TRIB2: variants seen among roughly 807,000 people sequenced by gnomAD.
TRIB2 encodes the protein tribbles homolog 2.
TRIB2 carries 2 observed loss-of-function variants against 26.8 expected under a neutral mutation model. The observed-to-expected ratio is 0.07, with a 90% CI of 0.03 to 0.24. TRIB2 has a LOEUF of 0.24. Among genes scored for constraint, TRIB2 ranks in the 10% least tolerant of loss-of-function variants. The probability of loss-of-function intolerance (pLI) is 1.00; values close to 1 mark genes in which losing one functional copy is unlikely to be tolerated. For synonymous variants in TRIB2, 189 were observed against 187.3 expected (o/e 1.01, Z -0.08); for missense variants, 306 against 449.0 (o/e 0.68, Z 2.88).
intron 2 of TRIB2, 66 bp downstream of exon 2, chr2:12,723,618 A>G (rs532285710): frequency 5.9e-5 from 91 of 1,541,940 alleles, no homozygotes; most frequent in Non-Finnish European, 7.6e-5. Flanking sequence ...CTTCCTAGAA[A>G]AGTCTTGAAT....
Position 12,732,506 on chromosome 2 carries a change from C to T in TRIB2, c.564-7820C>T, listed in dbSNP as rs1414379996. Among the ~76,000 whole-genome samples, 1 of 152,196 alleles carries T rather than the reference C, an allele frequency of 6.6e-6. No homozygotes were observed. The highest frequency in any genetic ancestry group is 1.5e-5 in the Non-Finnish European group (1 of 68,034). Reference sequence around the variant, plus strand: ...GCCCTGAGATGCTTCCCCCGTGGCTCACCTGTTGCTCTCCCTGCTAATTTG... The same window carrying T: ...GCCCTGAGATGCTTCCCCCGTGGCTTACCTGTTGCTCTCCCTGCTAATTTG... On this transcript the variant is annotated intron_variant, in intron 2 of 2. Coordinates refer to ENST00000155926, the MANE Select transcript of TRIB2 (RefSeq NM_021643.4). This position sits in a 1 kb window ranked among gnomAD's most constrained non-coding sequence, Gnocchi z 4.2.
chr2:12,721,923 T>C (rs1661229679), intron 1 of TRIB2, among the ~76,000 whole-genome samples: 1 of 152,194 alleles, frequency 6.6e-6, no homozygotes, highest in African/African-American at 2.4e-5. Context: ...GAATCCGGTA[T>C]CGTGCATGCA....
At chr2:12,739,343 T>A (rs1022719769) in intron 2 of TRIB2, among the ~76,000 whole-genome samples, 3 of 152,154 alleles carry the variant, frequency 2.0e-5, no homozygotes, top group African/African-American at 7.2e-5. Flanking sequence ...CACTGTAACC[T>A]CCGCCTCCCG....
At chr2:12,728,678 C>G (rs1425891169) in intron 2 of TRIB2, among the ~76,000 whole-genome samples, 1 of 152,176 alleles carries the variant, frequency 6.6e-6, no homozygotes, top group African/African-American at 2.4e-5. Flanking sequence ...GGAAGCCGGT[C>G]AGTACCCACT....
chr2:12,736,139 A>G (rs940298249), intron 2 of TRIB2, among the ~76,000 whole-genome samples: 4 of 152,110 alleles, frequency 2.6e-5, no homozygotes, highest in African/African-American at 4.8e-5. Context: ...GAAAGTCAGA[A>G]TCTAAAATTG....
intron 2 of TRIB2, among the ~76,000 whole-genome samples, chr2:12,724,318 C>T (rs746942656): frequency 1.1e-4 from 17 of 152,304 alleles, no homozygotes; most frequent in Non-Finnish European, 2.1e-4. Context: ...TGGCTTATGC[C>T]GTTAACTCAT....
Position 12,740,961 on chromosome 2 carries a change from A to C in TRIB2, c.*167A>C, listed in dbSNP as rs113881146. The C allele has an allele frequency of 4.5e-6, 3 of 662,508 alleles. No homozygotes were observed. Among genetic ancestry groups the C allele is most frequent in the African/African-American group, 3.6e-5 (2 of 55,038 alleles). The allele number at this position is 662,508 out of a possible 1,614,324, so 41.0% of individuals were successfully genotyped here. A position where few individuals can be genotyped will look rare whatever the true frequency, so the allele number is the denominator to read the frequency against. The stretch of plus-strand genomic sequence containing the variant: ...TCAAGGAGCTGACTGACCACGTAGC[A>C]TGGGGGCAAGAGGCGTGGGATGGGG... On this transcript the variant is annotated 3_prime_UTR_variant, in exon 3 of 3. Coordinates refer to ENST00000155926, the MANE Select transcript of TRIB2 (RefSeq NM_021643.4). This position sits in a 1 kb window ranked among gnomAD's most constrained non-coding sequence, Gnocchi z 5.8.
chr2:12,725,806 G>A (rs1337736754), intron 2 of TRIB2, among the ~76,000 whole-genome samples: 3 of 152,224 alleles, frequency 2.0e-5, no homozygotes, highest in Non-Finnish European at 2.9e-5. Context: ...GGACTGTAGG[G>A]AGCTGGCCTA....
chr2:12,729,975 T>C (rs1399138747), intron 2 of TRIB2, among the ~76,000 whole-genome samples: 2 of 152,222 alleles, frequency 1.3e-5, no homozygotes, highest in African/African-American at 4.8e-5. Context: ...TTGGGCATCC[T>C]CTGATGTCAT....
In TRIB2 at chr2:12,717,155, AAGG is replaced by A. The variant is rs1666609595; in HGVS notation, c.-1147_-1145del. On this transcript the variant is annotated 5_prime_UTR_variant, in exon 1 of 3. Transcript: ENST00000155926. This position sits in a 1 kb window ranked among gnomAD's most constrained non-coding sequence, Gnocchi z 4.8. ...GGGGGGGGCAAGCAAGAAATCAAAG[AAGG>A]AGGAGACAAGCCGTCAATTTTCTCC... 5.2e-6 allele frequency: 2 copies of A among 386,718 alleles called. No homozygotes were observed. The highest frequency in any genetic ancestry group is 7.4e-5 in the East Asian group (2 of 27,124). 24.0% of individuals were successfully genotyped at this position (386,718 alleles called of 1,614,324 possible). A position where few individuals can be genotyped will look rare whatever the true frequency, so the allele number is the denominator to read the frequency against.
rs113881146 is a variant in TRIB2, at chr2:12,740,961, A to G, written c.*167A>G. The G allele has an allele frequency of 9.1e-5, 60 of 662,390 alleles. No individual in the cohort carries two copies. Among genetic ancestry groups the G allele is most frequent in the Non-Finnish European group, 1.4e-4 (57 of 395,070 alleles). The allele number at this position is 662,390 out of a possible 1,614,324, so 41.0% of individuals were successfully genotyped here. ...TCAAGGAGCTGACTGACCACGTAGC[A>G]TGGGGGCAAGAGGCGTGGGATGGGG... On this transcript the variant is annotated 3_prime_UTR_variant, in exon 3 of 3. Transcript: ENST00000155926. This position sits in a 1 kb window ranked among gnomAD's most constrained non-coding sequence, Gnocchi z 5.8.
chr2:12,729,267 G>C (rs1195009604), intron 2 of TRIB2, among the ~76,000 whole-genome samples: 1 of 152,144 alleles, frequency 6.6e-6, no homozygotes, highest in Admixed American at 6.5e-5. Context: ...GTCCCCTGCT[G>C]GGGGCTTCCT....
chr2:12,740,702 G>A lies in TRIB2; in HGVS notation c.940G>A (p.Val314Ile), dbSNP rs376273712. ...DHPWFSTDFS[V>I]SNSAYGAKEV... is the part of the protein sequence containing the mutation. ...TCCTTGGTTTTCTACAGATTTTAGCGTCTCGAATTCAGCATATGGTGCTAA... is the reference window on the plus strand; with the variant it reads ...TCCTTGGTTTTCTACAGATTTTAGCATCTCGAATTCAGCATATGGTGCTAA... The change falls in exon 3 of 3, where the codon GTC becomes ATC. Residue 314 changes from valine (V) to isoleucine (I), a missense_variant. By Grantham distance (29) the Val-to-Ile change is conservative. Around this residue, in one of 4 missense-constraint regions of TRIB2, gnomAD observed 78 missense variants for 104.9 expected, o/e 0.74. Coordinates refer to ENST00000155926, the MANE Select transcript of TRIB2 (RefSeq NM_021643.4). The surrounding 1 kb of genome is among the most constrained non-coding windows in gnomAD (Gnocchi z 5.8). The A allele has an allele frequency of 9.9e-5, 159 of 1,614,174 alleles. No homozygotes were observed. Among genetic ancestry groups the A allele is most frequent in the Non-Finnish European group, 9.8e-5 (116 of 1,180,032 alleles).
Position 12,718,326 on chromosome 2 carries a change from A to G in TRIB2, c.19A>G (p.Thr7Ala), listed in dbSNP as rs756009177. The G allele has an allele frequency of 6.8e-6, 11 of 1,613,034 alleles. No homozygotes were observed. The highest frequency in any genetic ancestry group is 8.5e-6 in the Non-Finnish European group (10 of 1,179,852). Residue 7 changes from threonine to alanine, a missense_variant, in exon 1 of 3, where the codon ACC (threonine) becomes GCC (alanine). By Grantham distance (58) the Thr-to-Ala change is moderately conservative (BLOSUM62 0). Transcript: ENST00000155926. This position sits in a 1 kb window ranked among gnomAD's most constrained non-coding sequence, Gnocchi z 4.0. ...CACACTCATGAACATACACAGGTCT[A>G]CCCCCATCACAATAGCGAGATATGG... The part of the protein sequence containing the change: MNIHRS[T>A]PITIARYGRS...
At chr2:12,720,475 A>G (rs1661183988) in intron 1 of TRIB2, among the ~76,000 whole-genome samples, 1 of 152,224 alleles carries the variant, frequency 6.6e-6, no homozygotes, top group Admixed American at 6.5e-5. Context: ...ATGCAAGCAT[A>G]GTTGTGTATC....
chr2:12,740,003 T>C lies in TRIB2; in HGVS notation c.564-323T>C, dbSNP rs1412822706. ...GTGACTTTGAGAAAGCTAGTTAATC[T>C]CTTGTTCCCTCATCGCAGGGGTGAT... On this transcript the variant is annotated intron_variant, in intron 2 of 2. Transcript: ENST00000155926. This position sits in a 1 kb window ranked among gnomAD's most constrained non-coding sequence, Gnocchi z 5.8. 6.6e-6 allele frequency among the ~76,000 whole-genome samples: 1 copy of C among 152,164 alleles called. No individual in the cohort carries two copies. Among genetic ancestry groups the C allele is most frequent in the Non-Finnish European group, 1.5e-5 (1 of 68,028 alleles).
In TRIB2 at chr2:12,718,101, C is replaced by T; in HGVS notation, c.-207C>T. ...CCGAGTTGCCTGCCGACCGAGGACC[C>T]CCGGGAGCCGGGCTCGGAGCAGACG... On this transcript the variant is annotated 5_prime_UTR_variant, in exon 1 of 3. Transcript: ENST00000155926. The surrounding 1 kb of genome is among the most constrained non-coding windows in gnomAD (Gnocchi z 4.0). 1.5e-6 allele frequency: 1 copy of T among 669,458 alleles called. No individual in the cohort carries two copies. Among genetic ancestry groups the T allele is most frequent in the South Asian group, 2.2e-5 (1 of 46,344 alleles). The allele number at this position is 669,458 out of a possible 1,614,324, so 41.5% of individuals were successfully genotyped here.
chr2:12,728,042 G>A (rs1198718313), intron 2 of TRIB2, among the ~76,000 whole-genome samples: 1 of 152,144 alleles, frequency 6.6e-6, no homozygotes, highest in Non-Finnish European at 1.5e-5. Flanking sequence ...CCTGAGCTTG[G>A]GAGAAGTCCT....
At chr2:12,730,228 C>G (rs1281173544) in intron 2 of TRIB2, among the ~76,000 whole-genome samples, 3 of 152,072 alleles carry the variant, frequency 2.0e-5, no homozygotes, top group Non-Finnish European at 4.4e-5. Context: ...TTAAATTAAT[C>G]AATTTAAACC....
Sources: gnomAD v4.1 joint callset for allele counts (sites outside exome capture counted in the v4.1 genomes callset) on GRCh38, gnomAD v4.1.1 for gene constraint, gnomAD v4.1.1 regional missense constraint, Gnocchi (gnomAD v3.1) non-coding constraint, MANE v1.5 for transcripts, NCBI Gene and HGNC (gene_info 2026-07-23, HGNC 2026-07-21) for gene names.